Variants in TPR observed in about 807,000 individuals in gnomAD.
TPR encodes the protein nucleoprotein TPR.
In TPR, 51 loss-of-function variants were observed where a neutral mutation model predicts 316.1. The observed-to-expected ratio is 0.16, with a 90% CI of 0.13 to 0.20. TPR has a LOEUF of 0.20. TPR is among the 10% of genes least tolerant of loss of function. The pLI, the probability that TPR is intolerant of heterozygous loss-of-function variation, is 1.00. For synonymous variants in TPR, 981 were observed against 914.7 expected (o/e 1.07, Z -1.31); for missense variants, 2,272 against 2,754.8 (o/e 0.82, Z 3.92).
rs1301380067 is a variant in TPR, at chr1:186,327,696, C to T, written c.5689-36G>A. 3 of 1,573,950 alleles carry T rather than the reference C, an allele frequency of 1.9e-6. No homozygotes were observed. In the Admixed American group the frequency reaches 5.1e-5, roughly 27 times the overall value. On this transcript the variant is annotated intron_variant, in intron 39 of 50. Coordinates refer to ENST00000367478, the MANE Select transcript of TPR (RefSeq NM_003292.3). ...AAAAAAGTTAAAAAAGAATTAAGAG[C>T]CCTATAAACATACCTAAAACTATAT...
chr1:186,351,906 T>C lies in TPR; in HGVS notation c.2469+70A>G, dbSNP rs897174405. On this transcript the variant is annotated intron_variant, in intron 19 of 50. Coordinates refer to ENST00000367478, the MANE Select transcript of TPR (RefSeq NM_003292.3). The stretch of plus-strand genomic sequence containing the variant: ...TGGATAAATTTTCTAATTAAGGAAA[T>C]TGAGAGGATAAAAAAAATCTAAATT... 5 of 1,513,744 alleles carry C rather than the reference T, an allele frequency of 3.3e-6. No individual in the cohort carries two copies. The African/African-American group carries it at 5.7e-5, about 17-fold the overall frequency. The allele number at this position is 1,513,744 out of a possible 1,614,324, so 93.8% of individuals were successfully genotyped here.
intron 42 of TPR, among the ~76,000 whole-genome samples, chr1:186,325,057 A>G (rs1447603485): frequency 1.3e-5 from 2 of 152,068 alleles, no homozygotes; most frequent in Non-Finnish European, 2.9e-5. Flanking sequence ...TCTGTTCTTT[A>G]GTTAAAATGA....
intron 17 of TPR, 48 bp from the exon 18 acceptor site, chr1:186,353,898 C>T (rs368762489): frequency 1.9e-6 from 3 of 1,560,486 alleles, no homozygotes; most frequent in South Asian, 1.2e-5. Flanking sequence ...GATATCCTAG[C>T]TTAATCCCTT....
Position 186,361,861 on chromosome 1 carries a change from T to C in TPR, c.798A>G (p.Glu266=). The C allele has an allele frequency of 6.2e-7, 1 of 1,612,636 alleles. No homozygotes were observed. Among genetic ancestry groups the C allele is most frequent in the South Asian group, 1.1e-5 (1 of 91,008 alleles). The part of the protein sequence containing the change: ...DLLTKLKEAK[E]QQASMEEKFH... The stretch of plus-strand genomic sequence containing the variant: ...ATTTCTCTTCCATACTGGCCTGTTG[T>C]TCCTTGGCCTGAAAAAAATAGCCCA... The change falls in exon 8 of 51, where the codon GAA becomes GAG. Residue 266 remains glutamate, a synonymous_variant. Transcript: ENST00000367478.
rs571489866 is a variant in TPR at position 186,312,898 on chromosome 1, A to G, written c.*1073T>C. On this transcript the variant is annotated 3_prime_UTR_variant, in exon 51 of 51. Coordinates refer to ENST00000367478, the MANE Select transcript of TPR (RefSeq NM_003292.3). ...GATTACTATGCCTTTTCTAAAGGTA[A>G]GGTATTAACTAACAGTTTCCCAAGG... The G allele has an allele frequency of 1.2e-6, 2 of 1,610,988 alleles. No homozygotes were observed. Among genetic ancestry groups the G allele is most frequent in the Admixed American group, 1.7e-5 (1 of 60,022 alleles).
chr1:186,323,434 A>G (rs1290111967), intron 43 of TPR, among the ~76,000 whole-genome samples: 1 of 152,240 alleles, frequency 6.6e-6, no homozygotes, highest in Non-Finnish European at 1.5e-5. Flanking sequence ...CTTGAGAAAT[A>G]ACAATTTTAT....
chr1:186,345,704 G>C lies in TPR; in HGVS notation c.3097-8C>G. ...TTTCTTCAATTCAGATAACTAAGCA[G>C]AAAGAACAAGATTAAAACCAAAATT... On this transcript the variant is annotated splice_polypyrimidine_tract_variant and splice_region_variant and intron_variant, in intron 23 of 50. Transcript: ENST00000367478. The C allele has an allele frequency of 1.1e-5, 18 of 1,586,916 alleles. No individual in the cohort carries two copies. Among genetic ancestry groups the C allele is most frequent in the Non-Finnish European group, 1.6e-5 (18 of 1,157,932 alleles).
chr1:186,353,933 C>T, intron 17 of TPR, 83 bp from the exon 18 acceptor site: 1 of 1,284,088 alleles, frequency 7.8e-7, no homozygotes, highest in South Asian at 1.4e-5. Flanking sequence ...ATAGCTTAAC[C>T]CATTTCCCCA....
chr1:186,323,938 G>T, intron 42 of TPR, 68 bp from the exon 43 acceptor site: 1 of 1,442,662 alleles, frequency 6.9e-7, no homozygotes, highest in Non-Finnish European at 9.3e-7. Flanking sequence ...ACAATCCCTA[G>T]AAGTATAAAT....
At position 186,313,049 on chromosome 1, in the gene TPR, T is replaced by G. The variant is rs1657402285; in HGVS notation, c.*922A>C. ...GTGGAAAAGAGTTAAGACTTTTGCT[T>G]TAATTTCAATTAAAATGATGGCACT... On this transcript the variant is annotated 3_prime_UTR_variant, in exon 51 of 51. Transcript: ENST00000367478. 1.3e-6 allele frequency: 1 copy of G among 765,100 alleles called. No individual in the cohort carries two copies. Among genetic ancestry groups the G allele is most frequent in the Non-Finnish European group, 2.1e-6 (1 of 471,612 alleles). The allele number at this position is 765,100 out of a possible 1,614,324, so 47.4% of individuals were successfully genotyped here. A position where few individuals can be genotyped will look rare whatever the true frequency, so the allele number is the denominator to read the frequency against.
At chr1:186,356,234 C>T (rs1010597559) in intron 15 of TPR, 52 bp downstream of exon 15, 5 of 1,462,228 alleles carry the variant, frequency 3.4e-6, no homozygotes, top group Non-Finnish European at 4.6e-6. Flanking sequence ...AAAATTAATC[C>T]CTTAATATAC....
chr1:186,327,274 T>TA (rs1448697793), intron 40 of TPR, among the ~76,000 whole-genome samples, 186 bp downstream of exon 40: 687 of 2,184 alleles, frequency 0.31, 188 homozygotes, highest in East Asian at 0.76. Flanking sequence ...ATATATATAT[T>TA]TATATATAAT....
chr1:186,334,565 T>C lies in TPR; in HGVS notation c.4974-32A>G, dbSNP rs1425153258. On this transcript the variant is annotated intron_variant, in intron 35 of 50. Transcript: ENST00000367478. ...GAGGAGAAAATGGAAGAATAATTAA[T>C]AACAAATTATTATGCAAATACTTTT... 4.4e-6 allele frequency: 7 copies of C among 1,588,668 alleles called. No individual in the cohort carries two copies. The African/African-American group carries it at 9.4e-5, about 21-fold the overall frequency.
At chr1:186,332,650 T>C (rs1055824544) in intron 37 of TPR, among the ~76,000 whole-genome samples, 2 of 152,162 alleles carry the variant, frequency 1.3e-5, no homozygotes, top group Non-Finnish European at 2.9e-5. Flanking sequence ...ATTACTATGT[T>C]GTTATCTACA....
rs1657342232 is a variant in TPR at position 186,312,529 on chromosome 1, CAA to C, written c.*1440_*1441del. The C allele has an allele frequency of 1.4e-5, 12 of 835,700 alleles. No individual in the cohort carries two copies. Among genetic ancestry groups the C allele is most frequent in the Non-Finnish European group, 2.2e-5 (12 of 546,840 alleles). The allele number at this position is 835,700 out of a possible 1,614,324, so 51.8% of individuals were successfully genotyped here. On this transcript the variant is annotated 3_prime_UTR_variant, in exon 51 of 51. Transcript: ENST00000367478. Reference sequence around the variant, plus strand: ...TCATCCACTTGCCTTAGTGAATAACCAAAGACCAATACTTTCTTTTTCCTTGT... The same window carrying C: ...TCATCCACTTGCCTTAGTGAATAACCAGACCAATACTTTCTTTTTCCTTGT...
Position 186,370,995 on chromosome 1 carries a change from G to A in TPR, c.305C>T (p.Ala102Val). Residue 102 changes from alanine (A) to valine (V), a missense_variant, in exon 3 of 51, where the codon GCT (alanine) becomes GTT (valine). Transcript: ENST00000367478. Reference sequence around the variant, plus strand: ...CTGAATGGCAATATTGCGATCCTGAGCAATTTCAAGTTCTTTGTTTTTCTC... The same window carrying A: ...CTGAATGGCAATATTGCGATCCTGAACAATTTCAAGTTCTTTGTTTTTCTC... Reference protein sequence around the residue: ...LTEKNKELEIAQDRNIAIQSQ... With the variant: ...LTEKNKELEIVQDRNIAIQSQ... The A allele has an allele frequency of 6.2e-7, 1 of 1,612,880 alleles. No homozygotes were observed. The highest frequency in any genetic ancestry group is 8.5e-7 in the Non-Finnish European group (1 of 1,179,448).
In TPR at chr1:186,360,906, C is replaced by T; in HGVS notation, c.959-1G>A. 1.9e-6 allele frequency: 3 copies of T among 1,602,462 alleles called. No individual in the cohort carries two copies. The highest frequency in any genetic ancestry group is 8.5e-7 in the Non-Finnish European group (1 of 1,176,178). On this transcript the variant is annotated splice_acceptor_variant, in intron 9 of 50. Transcript: ENST00000367478. LOFTEE classifies it high-confidence loss of function. ...AGATGATCTTGTATTGCTTTGTTGG[C>T]TAAAAAACAATTTTAAAGACCAAAT...
Position 186,343,910 on chromosome 1 carries a change from G to C in TPR, c.3598C>G (p.Leu1200Val), listed in dbSNP as rs747184771. 1.9e-6 allele frequency: 3 copies of C among 1,612,324 alleles called. No individual in the cohort carries two copies. The highest frequency in any genetic ancestry group is 2.5e-6 in the Non-Finnish European group (3 of 1,179,186). ...AGCAGTAAGAACATGATTTACCTGA[G>C]AATTTCCAAAATTTGTTCTTGAGAT... ...GKSQEQILEI[L>V]RFIRREKEIA... Residue 1200 changes from leucine to valine, a missense_variant, in exon 26 of 51, where the codon CTC becomes GTC. By Grantham distance (32) the Leu-to-Val change is conservative. This residue lies in a region of TPR where 757 missense variants were observed against 859.8 expected (regional missense o/e 0.88). Transcript: ENST00000367478.
chr1:186,346,753 G>C (rs1456759696), intron 22 of TPR, among the ~76,000 whole-genome samples: 1 of 152,010 alleles, frequency 6.6e-6, no homozygotes, highest in African/African-American at 2.4e-5. Flanking sequence ...AAAAAAATCT[G>C]ATTATGACAT....
Sources: allele counts gnomAD v4.1 joint callset (sites outside exome capture counted in the v4.1 genomes callset), GRCh38; gene constraint gnomAD v4.1.1; regional missense constraint gnomAD v4.1.1; transcripts MANE v1.5; gene names NCBI Gene and HGNC (gene_info 2026-07-23, HGNC 2026-07-21).